The following VMP1 variants were observed in gnomAD, a reference collection of about 807,000 sequenced individuals.
VMP1 encodes vacuole membrane protein 1, also known as ectopic P-granules autophagy protein 3 homolog.
VMP1 carries 11 observed loss-of-function variants against 56.0 expected under a neutral mutation model. That is an observed-to-expected ratio of 0.20 (90% CI 0.12 to 0.32). The LOEUF is 0.32. Ranked by LOEUF, VMP1 falls within the 10% of genes least tolerant of loss-of-function variation. The pLI is 1.00. For synonymous variants in VMP1, 149 were observed against 165.0 expected (o/e 0.90, Z 0.74); for missense variants, 296 against 490.3 (o/e 0.60, Z 3.74).
chr17:59,819,742 G>A lies in VMP1; in HGVS notation c.974+1969G>A, dbSNP rs146276058. ...GCTGGGATTACAGGCATGAGCCTCC[G>A]CTCCCAACCCCTTATTTTTTAAATG... On this transcript the variant is annotated intron_variant, in intron 10 of 11. Transcript: ENST00000262291. 6.9e-3 allele frequency among the ~76,000 whole-genome samples: 1,046 copies of A among 152,256 alleles called. 13 individuals are homozygous for A. Among genetic ancestry groups the A allele is most frequent in the African/African-American group, 0.023 (969 of 41,538 alleles).
intron 1 of VMP1, among the ~76,000 whole-genome samples, chr17:59,713,720 CT>C (rs555249052): frequency 3.0e-3 from 349 of 118,064 alleles, no homozygotes; most frequent in African/African-American, 9.8e-3. Flanking sequence ...AAAAGAGAGA[CT>C]TTTTTTTTTA....
chr17:59,736,478 AG>A (rs2035021348), intron 3 of VMP1, among the ~76,000 whole-genome samples: 1 of 150,118 alleles, frequency 6.7e-6, no homozygotes, highest in African/African-American at 2.5e-5. Context: ...ACTTGAACCC[AG>A]GAGGTGGAAT....
At chr17:59,771,910 T>G (rs1032263816) in intron 6 of VMP1, among the ~76,000 whole-genome samples, 4 of 152,058 alleles carry the variant, frequency 2.6e-5, no homozygotes, top group African/African-American at 9.7e-5. Flanking sequence ...TATATATGAT[T>G]TGGTTTTTGC....
intron 1 of VMP1, among the ~76,000 whole-genome samples, chr17:59,724,663 C>A (rs2034527401): frequency 6.6e-6 from 1 of 151,546 alleles, no homozygotes; most frequent in South Asian, 2.1e-4. Context: ...CAGAGTGAAA[C>A]TTTGTCTCAA....
Position 59,733,524 on chromosome 17 carries a change from C to G in VMP1, c.77-1814C>G, listed in dbSNP as rs565181914. ...ACCAGCCTGGCCAACATGATGAAAC[C>G]TCATCTCTACTAAAAATACAAAAAA... On this transcript the variant is annotated intron_variant, in intron 2 of 11. Transcript: ENST00000262291. 5.3e-4 allele frequency among the ~76,000 whole-genome samples: 81 copies of G among 151,878 alleles called. 1 individual carries two copies. Among genetic ancestry groups the G allele is most frequent in the Non-Finnish European group, 9.9e-4 (67 of 67,954 alleles).
rs201958788 is a variant in VMP1, at chr17:59,811,704, C to T, written c.830C>T (p.Thr277Met). 433 of 1,613,854 alleles carry T rather than the reference C, an allele frequency of 2.7e-4. No homozygotes were observed. The highest frequency in any genetic ancestry group is 3.5e-4 in the Non-Finnish European group (417 of 1,179,860). The change falls in exon 9 of 12, where the codon ACG (threonine) becomes ATG (methionine). Residue 277 changes from threonine (T) to methionine (M), a missense_variant. Around this residue, in one of 4 missense-constraint regions of VMP1, gnomAD observed 6 missense variants for 44.4 expected, o/e 0.14. Transcript: ENST00000262291. Reference sequence around the variant, plus strand: ...CCTTTATTTGATCTGGCTGGAATAACGTGTGGACACTTTCTGGTACCTTTT... The same window carrying T: ...CCTTTATTTGATCTGGCTGGAATAATGTGTGGACACTTTCTGGTACCTTTT... ...PNPLFDLAGITCGHFLVPFWT... is the reference protein window; with the variant it reads ...PNPLFDLAGIMCGHFLVPFWT...
chr17:59,763,444 C>T (rs899938244), intron 5 of VMP1, among the ~76,000 whole-genome samples: 1 of 151,902 alleles, frequency 6.6e-6, no homozygotes, highest in African/African-American at 2.4e-5. Flanking sequence ...AATTAAAAGT[C>T]CCCAAAAAGA....
At chr17:59,770,557 T>C (rs1022026423) in intron 6 of VMP1, among the ~76,000 whole-genome samples, 11 of 151,996 alleles carry the variant, frequency 7.2e-5, no homozygotes, top group African/African-American at 2.7e-4. Context: ...ATCCAATTAG[T>C]GTTCAAATTT....
intron 9 of VMP1, 120 bp from the exon 10 acceptor site, chr17:59,817,592 A>G: frequency 1.6e-6 from 1 of 616,592 alleles, no homozygotes; most frequent in Non-Finnish European, 2.8e-6. Flanking sequence ...ATTTTTAAAG[A>G]AATTTAAAAA....
chr17:59,838,514 G>A (rs2039057483), intron 11 of VMP1, 117 bp downstream of exon 11: 1 of 1,011,962 alleles, frequency 9.9e-7, no homozygotes, highest in Admixed American at 2.1e-5. Context: ...AGTGTTCCTT[G>A]ACAGAAGTTG....
chr17:59,779,974 G>A (rs1309494489), intron 7 of VMP1, among the ~76,000 whole-genome samples: 1 of 152,110 alleles, frequency 6.6e-6, no homozygotes, highest in Non-Finnish European at 1.5e-5. Flanking sequence ...TGAAGACTTT[G>A]ACCATTTCTT....
At position 59,737,444 on chromosome 17, in the gene VMP1, G is replaced by T; in HGVS notation, c.213-9G>T. ...TGTGAGATATTTATTTTTTTTATTT[G>T]TTTTTAAGATTATGGCATCGTCAAA... On this transcript the variant is annotated splice_polypyrimidine_tract_variant and intron_variant, in intron 3 of 11. Transcript: ENST00000262291. 2.5e-6 allele frequency: 4 copies of T among 1,600,280 alleles called. No homozygotes were observed. Among genetic ancestry groups the T allele is most frequent in the Middle Eastern group, 1.7e-4 (1 of 6,010 alleles).
intron 1 of VMP1, among the ~76,000 whole-genome samples, chr17:59,716,599 C>A (rs768457211): frequency 1.1e-4 from 16 of 152,056 alleles, no homozygotes; most frequent in Admixed American, 7.2e-4. Context: ...TATATGCTGC[C>A]GACTTGCTAT....
chr17:59,725,957 G>T (rs1260280073), intron 1 of VMP1, among the ~76,000 whole-genome samples: 1 of 152,168 alleles, frequency 6.6e-6, no homozygotes, highest in Non-Finnish European at 1.5e-5. Context: ...GACCCAAAAT[G>T]TTTTGGGTAA....
intron 10 of VMP1, among the ~76,000 whole-genome samples, chr17:59,832,663 G>A (rs1384961436): frequency 2.0e-5 from 3 of 149,946 alleles, no homozygotes; most frequent in Non-Finnish European, 3.0e-5. Flanking sequence ...GCACAATCTC[G>A]GCTCACTGCA....
intron 10 of VMP1, among the ~76,000 whole-genome samples, chr17:59,820,782 A>G (rs533054039): frequency 3.8e-4 from 58 of 152,324 alleles, no homozygotes; most frequent in Middle Eastern, 6.8e-3. Flanking sequence ...GACACTTGGT[A>G]AATCTGCTGA....
At chr17:59,809,509 TTTTTTTTTTTTTTTTG>T in intron 8 of VMP1, among the ~76,000 whole-genome samples, 1 of 45,694 alleles carries the variant, frequency 2.2e-5, no homozygotes, top group African/African-American at 6.7e-5. Flanking sequence ...TTTTTTTTTT[TTTTTTTTTTTTTTTTG>T]AGACGGAGTC....
intron 1 of VMP1, among the ~76,000 whole-genome samples, chr17:59,718,265 C>A (rs1051912170): frequency 7.6e-6 from 1 of 131,794 alleles, no homozygotes; most frequent in Non-Finnish European, 1.6e-5. Context: ...GGCACAATCT[C>A]AGCTCACTGC....
chr17:59,742,362 A>G (rs1027930467), intron 5 of VMP1, among the ~76,000 whole-genome samples: 2 of 151,708 alleles, frequency 1.3e-5, no homozygotes, highest in African/African-American at 4.8e-5. Flanking sequence ...ATAAAAGATA[A>G]ATAAATTAGC....
Sources: allele counts gnomAD v4.1 joint callset (sites outside exome capture counted in the v4.1 genomes callset), GRCh38; gene constraint gnomAD v4.1.1; regional missense constraint gnomAD v4.1.1; transcripts MANE v1.5; gene names NCBI Gene and HGNC (gene_info 2026-07-23, HGNC 2026-07-21).